DIPK1A: variants seen among roughly 807,000 people sequenced by gnomAD.
The protein encoded by DIPK1A is divergent protein kinase domain 1A, also known as family with sequence similarity 69 member A.
A neutral mutation model predicts 40.8 loss-of-function variants in DIPK1A; 27 were observed. That is an observed-to-expected ratio of 0.66 (90% CI 0.49 to 0.91). The LOEUF (loss-of-function observed/expected upper bound fraction) is 0.91, where lower values mean the gene tolerates loss of function less well. Among genes scored for constraint, DIPK1A ranks in the 40% least tolerant of loss-of-function variants. DIPK1A has a pLI of 0.00. For synonymous variants in DIPK1A, 166 were observed against 171.3 expected, an observed-to-expected ratio of 0.97 and a Z score of 0.24; for missense variants, 412 against 505.7, an observed-to-expected ratio of 0.81 and a Z score of 1.78.
chr1:92,840,749 G>T (rs1342919055), downstream of DIPK1A: 1 of 846,868 alleles, frequency 1.2e-6, no homozygotes, highest in African/African-American at 1.6e-5. Flanking sequence ...TCTGCGTGAT[G>T]TGGCAGAAGC....
intron 1 of DIPK1A, among the ~76,000 whole-genome samples, chr1:92,912,096 T>C (rs1278352209): frequency 6.7e-6 from 1 of 150,064 alleles, no homozygotes; most frequent in Non-Finnish European, 1.5e-5. Flanking sequence ...CATTTTATAC[T>C]CTCAACAGCA....
rs1189453888 is a variant in DIPK1A, at chr1:92,844,074, TGAA to T, written c.593_595del (p.Leu198del). On this transcript the variant is annotated inframe_deletion, in exon 5 of 5. Transcript: ENST00000370310. ...CACCATGAGAAGAAATTCATTCAGTTGAAGAAGTGCCCATGCCGACTTTGCTTC... is the reference window on the plus strand; with the variant it reads ...CACCATGAGAAGAAATTCATTCAGTTGAAGTGCCCATGCCGACTTTGCTTC... The T allele has an allele frequency of 1.9e-6, 3 of 1,551,842 alleles. No homozygotes were observed. The highest frequency in any genetic ancestry group is 1.7e-6 in the Non-Finnish European group (2 of 1,147,052).
intron 1 of DIPK1A, among the ~76,000 whole-genome samples, chr1:92,892,809 A>G (rs977159591): frequency 2.2e-5 from 2 of 89,458 alleles, no homozygotes; most frequent in Non-Finnish European, 4.4e-5. Context: ...TCCTTAAAGG[A>G]CCTGATGGAG....
intron 2 of DIPK1A, among the ~76,000 whole-genome samples, chr1:92,853,157 A>T (rs1184212510): frequency 6.6e-6 from 1 of 152,232 alleles, no homozygotes; most frequent in Non-Finnish European, 1.5e-5. Context: ...AAATGTATAG[A>T]TAAAAAAGAC....
chr1:92,897,968 G>A (rs2774954), intron 1 of DIPK1A, among the ~76,000 whole-genome samples: 104,192 of 151,954 alleles, frequency 0.69, 36,223 homozygotes, highest in East Asian at 0.96. Context: ...GCGTGGTGGC[G>A]TGCACCTATA....
At chr1:92,869,854 G>A (rs1345601975) in intron 2 of DIPK1A, among the ~76,000 whole-genome samples, 1 of 151,952 alleles carries the variant, frequency 6.6e-6, no homozygotes, top group Non-Finnish European at 1.5e-5. Context: ...AGAGGCAATC[G>A]GTTTAGACTC....
intron 1 of DIPK1A, chr1:92,930,940 T>C (rs1296813974): frequency 6.6e-6 from 1 of 152,130 alleles, no homozygotes; most frequent in Non-Finnish European, 1.5e-5. Context: ...CAAATATCAC[T>C]CCAATTGTTG....
chr1:92,895,334 GC>G (rs1461677308), intron 1 of DIPK1A, among the ~76,000 whole-genome samples: 1 of 152,134 alleles, frequency 6.6e-6, no homozygotes, highest in African/African-American at 2.4e-5. Context: ...TCCTTGGGAT[GC>G]AAGGCTGGTT....
chr1:92,961,307 C>T, intron 1 of DIPK1A, 69 bp downstream of exon 1: 1 of 1,240,284 alleles, frequency 8.1e-7, no homozygotes, highest in Non-Finnish European at 1.1e-6. Context: ...GCGGGCGAGT[C>T]CTGCGCGGCG....
chr1:92,861,321 C>CTTTTTTTTT lies in DIPK1A; in HGVS notation c.190-10375_190-10367dup, dbSNP rs71230876. On this transcript the variant is annotated intron_variant, in intron 2 of 4. Transcript: ENST00000370310. ...AATAGCTTTTCTATTCTCTCTCTCTCTTTTTTTTTTTTTTTTTTTTTTTGA... is the reference window on the plus strand; with the variant it reads ...AATAGCTTTTCTATTCTCTCTCTCTCTTTTTTTTTTTTTTTTTTTTTTTTTTTTTTTTGA... 4.3e-4 allele frequency among the ~76,000 whole-genome samples: 36 copies of CTTTTTTTTT among 83,536 alleles called. 1 individual carries two copies. Among genetic ancestry groups the CTTTTTTTTT allele is most frequent in the Admixed American group, 5.9e-4 (3 of 5,094 alleles). The allele number at this position is 83,536 out of a possible 152,430, so 54.8% of individuals were successfully genotyped here.
intron 4 of DIPK1A, chr1:92,833,737 G>T: frequency 8.6e-7 from 1 of 1,158,778 alleles, no homozygotes; most frequent in Non-Finnish European, 1.3e-6. Flanking sequence ...CATGGTGTGT[G>T]TGTTAGAAGG....
intron 4 of DIPK1A, chr1:92,845,429 G>A (rs1687562180): frequency 1.7e-5 from 5 of 295,322 alleles, no homozygotes; most frequent in South Asian, 1.4e-4. Context: ...AGCACTTTGG[G>A]AAGCCAAGGT....
intron 1 of DIPK1A, among the ~76,000 whole-genome samples, chr1:92,913,483 T>C (rs1464589779): frequency 6.6e-6 from 1 of 152,188 alleles, no homozygotes; most frequent in Non-Finnish European, 1.5e-5. Context: ...ATGGCAAAAA[T>C]ATCCATTTTG....
rs1042010542 is a variant in DIPK1A at position 92,851,023 on chromosome 1, C to G, written c.190-68G>C. Reference sequence around the variant, plus strand: ...CACAAGAAGAAGCATAAAGAGATATCTATATCCTTTATGAGTAAGTTCTAT... The same window carrying G: ...CACAAGAAGAAGCATAAAGAGATATGTATATCCTTTATGAGTAAGTTCTAT... On this transcript the variant is annotated intron_variant, in intron 2 of 4. Transcript: ENST00000370310. 2.3e-5 allele frequency: 23 copies of G among 994,086 alleles called. No individual in the cohort carries two copies. The African/African-American group carries it at 3.3e-4, about 14-fold the overall frequency. 61.6% of individuals were successfully genotyped at this position (994,086 alleles called of 1,614,324 possible). A position where few individuals can be genotyped will look rare whatever the true frequency, so the allele number is the denominator to read the frequency against.
rs780939989 is a variant in DIPK1A at position 92,844,142 on chromosome 1, C to G, written c.528G>C (p.Thr176=). The G allele has an allele frequency of 9.7e-6, 15 of 1,551,702 alleles. No homozygotes were observed. The highest frequency in any genetic ancestry group is 1.4e-5 in the African/African-American group (1 of 73,152). The change falls in exon 5 of 5, where the codon ACG becomes ACC. Residue 176 remains threonine, a synonymous_variant. Transcript: ENST00000370310. ...GGCCATCTTTGTCTCCATCAGCCAC[C>G]GTCAAGATGAGATTAACCAGTTCAG... is the stretch of plus-strand genomic sequence containing the variant. The part of the protein sequence containing the change: ...NLSELVNLIL[T]VADGDKDGQV...
rs187824438 is a variant in DIPK1A, at chr1:92,876,191, G to C, written c.189+105C>G. The C allele has an allele frequency of 9.3e-4, 691 of 741,136 alleles. 5 individuals carry two copies. In the African/African-American group the frequency reaches 0.012, roughly 13 times the overall value. 45.9% of individuals were successfully genotyped at this position (741,136 alleles called of 1,614,324 possible). ...CTAAGAAGATTAGCACAATTCTAAT[G>C]TCAAATTAACTTTTATTTTTAAAAA... On this transcript the variant is annotated intron_variant, in intron 2 of 4. Transcript: ENST00000370310.
chr1:92,915,519 G>A (rs1650018018), intron 1 of DIPK1A, among the ~76,000 whole-genome samples: 1 of 152,140 alleles, frequency 6.6e-6, no homozygotes, highest in South Asian at 2.1e-4. Flanking sequence ...ATGTATCTCA[G>A]GGTAATTATC....
intron 4 of DIPK1A, chr1:92,846,668 G>T: frequency 2.7e-6 from 1 of 376,172 alleles, no homozygotes; most frequent in Non-Finnish European, 5.1e-6. Flanking sequence ...TCACTTTGTC[G>T]TCCAGGCTGG....
rs567848439 is a variant in DIPK1A at position 92,893,063 on chromosome 1, G to C, written c.55-16633C>G. On this transcript the variant is annotated intron_variant, in intron 1 of 4. Transcript: ENST00000370310. ...AAAGTGACGGGGAGAATGGAACCAAGTTGGAAAACACTCTGCAGGATATTA... is the reference window on the plus strand; with the variant it reads ...AAAGTGACGGGGAGAATGGAACCAACTTGGAAAACACTCTGCAGGATATTA... Among the ~76,000 whole-genome samples, 6 of 152,216 alleles carry C rather than the reference G, an allele frequency of 3.9e-5. No individual in the cohort carries two copies. In the South Asian group the frequency reaches 1.2e-3, roughly 32 times the overall value.
Sources: allele counts gnomAD v4.1 joint callset (sites outside exome capture counted in the v4.1 genomes callset), GRCh38; gene constraint gnomAD v4.1.1; transcripts MANE v1.5; gene names NCBI Gene and HGNC (gene_info 2026-07-23, HGNC 2026-07-21).